CHSY3: variants seen among roughly 807,000 people sequenced by gnomAD.
CHSY3 encodes chondroitin sulfate synthase 3, also known as N-acetylgalactosaminyl-proteoglycan 3-beta-glucuronosyltransferase 3.
CHSY3 carries 35 observed loss-of-function variants against 67.2 expected under a neutral mutation model. The observed-to-expected ratio is 0.52, with a 90% CI of 0.40 to 0.69. The LOEUF is 0.69. Ranked by LOEUF, CHSY3 falls within the 30% of genes least tolerant of loss-of-function variation. The pLI, the probability that CHSY3 is intolerant of heterozygous loss-of-function variation, is 0.00. For synonymous variants in CHSY3, 474 were observed against 434.7 expected, an observed-to-expected ratio of 1.09 and a Z score of -1.12; for missense variants, 1,069 against 1,138.5, an observed-to-expected ratio of 0.94 and a Z score of 0.88.
At chr5:130,070,572 A>T (rs1766028970) in intron 2 of CHSY3, among the ~76,000 whole-genome samples, 1 of 152,128 alleles carries the variant, frequency 6.6e-6, no homozygotes, top group Non-Finnish European at 1.5e-5. Context: ...ATCATAATGC[A>T]GTATTGAAAT....
At chr5:129,980,147 T>C (rs1184294323) in intron 2 of CHSY3, among the ~76,000 whole-genome samples, 1 of 152,158 alleles carries the variant, frequency 6.6e-6, no homozygotes, top group African/African-American at 2.4e-5. Flanking sequence ...TAAAAGTATG[T>C]TTAGCTTTGT....
intron 2 of CHSY3, among the ~76,000 whole-genome samples, chr5:130,019,368 G>C (rs1764301129): frequency 6.6e-6 from 1 of 152,002 alleles, no homozygotes; most frequent in Admixed American, 6.6e-5. Flanking sequence ...CCATCACCCA[G>C]CCCAGAAACC....
Position 130,184,232 on chromosome 5 carries a change from C to G in CHSY3, c.1090C>G (p.Gln364Glu). The change falls in exon 3 of 3, where the codon CAA (glutamine) becomes GAA (glutamate). Residue 364 changes from glutamine to glutamate, a missense_variant. This residue lies in a region of CHSY3 where 216 missense variants were observed against 311.5 expected (regional missense o/e 0.69). Transcript: ENST00000305031. ...GTQCVWSYEM[Q>E]QLFHENYEHN... is the part of the protein sequence containing the mutation. The stretch of plus-strand genomic sequence containing the variant: ...TTTTTTTAATTTTACTTTTCAGATG[C>G]AACAACTGTTCCATGAAAATTATGA... 3 of 1,496,184 alleles carry G rather than the reference C, an allele frequency of 2.0e-6. No homozygotes were observed. The highest frequency in any genetic ancestry group is 2.7e-6 in the Non-Finnish European group (3 of 1,120,838). 92.7% of individuals were successfully genotyped at this position (1,496,184 alleles called of 1,614,324 possible).
intron 1 of CHSY3, among the ~76,000 whole-genome samples, chr5:129,907,346 G>A (rs1442778759): frequency 6.6e-6 from 1 of 152,156 alleles, no homozygotes; most frequent in African/African-American, 2.4e-5. Flanking sequence ...TGCAGATGCT[G>A]TGCTCATCAA....
intron 2 of CHSY3, among the ~76,000 whole-genome samples, chr5:130,060,511 G>T (rs986392492): frequency 6.6e-6 from 1 of 152,088 alleles, no homozygotes; most frequent in Non-Finnish European, 1.5e-5. Flanking sequence ...ACGAGACAAG[G>T]ATAGCTACTC....
At chr5:129,953,946 G>A (rs548080682) in intron 2 of CHSY3, among the ~76,000 whole-genome samples, 15 of 152,256 alleles carry the variant, frequency 9.9e-5, no homozygotes, top group African/African-American at 3.6e-4. Flanking sequence ...TCACTCTGAT[G>A]ATACTTTCTT....
intron 2 of CHSY3, among the ~76,000 whole-genome samples, chr5:129,940,148 A>G (rs916913738): frequency 6.6e-6 from 1 of 152,112 alleles, no homozygotes; most frequent in Non-Finnish European, 1.5e-5. Context: ...CATTGCCTAC[A>G]TACACCATGC....
At chr5:129,975,268 G>C (rs1402163671) in intron 2 of CHSY3, among the ~76,000 whole-genome samples, 1 of 152,048 alleles carries the variant, frequency 6.6e-6, no homozygotes, top group African/African-American at 2.4e-5. Context: ...TATTAGTTTT[G>C]TTACCTCGGA....
At chr5:130,171,745 T>A (rs1769898475) in intron 2 of CHSY3, among the ~76,000 whole-genome samples, 1 of 152,178 alleles carries the variant, frequency 6.6e-6, no homozygotes, top group African/African-American at 2.4e-5. Context: ...AGATTACCCA[T>A]ATCAGATTGT....
intron 2 of CHSY3, among the ~76,000 whole-genome samples, chr5:130,079,364 G>C (rs1766374623): frequency 6.6e-6 from 1 of 152,026 alleles, no homozygotes; most frequent in South Asian, 2.1e-4. Context: ...TTTTATTAAA[G>C]ACTTGAAGCC....
intron 2 of CHSY3, among the ~76,000 whole-genome samples, chr5:129,962,521 T>C (rs1235557229): frequency 6.6e-6 from 1 of 152,022 alleles, no homozygotes; most frequent in African/African-American, 2.4e-5. Context: ...ATATGACCTG[T>C]CACTGCCCTG....
intron 1 of CHSY3, 45 bp downstream of exon 1, chr5:129,905,676 T>C: frequency 6.3e-7 from 1 of 1,598,792 alleles, no homozygotes; most frequent in East Asian, 2.2e-5. Context: ...TCTCCCCGAC[T>C]CCTTTCTCTG....
At chr5:130,036,153 T>C (rs749645366) in intron 2 of CHSY3, among the ~76,000 whole-genome samples, 4 of 152,062 alleles carry the variant, frequency 2.6e-5, no homozygotes, top group Non-Finnish European at 5.9e-5. Flanking sequence ...CTTGATCATT[T>C]TCTTACACTG....
intron 2 of CHSY3, among the ~76,000 whole-genome samples, chr5:130,148,244 G>A (rs903748700): frequency 1.3e-5 from 2 of 152,082 alleles, no homozygotes; most frequent in South Asian, 4.2e-4. Context: ...TCTTTTTATG[G>A]CTGCATAGTA....
intron 2 of CHSY3, among the ~76,000 whole-genome samples, chr5:129,910,424 G>A (rs1760495622): frequency 6.6e-6 from 1 of 151,796 alleles, no homozygotes. Context: ...TTATTATATA[G>A]AATTTACTTT....
At position 130,153,950 on chromosome 5, in the gene CHSY3, C is replaced by A. The variant is rs1383509735; in HGVS notation, c.1087-30279C>A. Among the ~76,000 whole-genome samples, 3 of 152,210 alleles carry A rather than the reference C, an allele frequency of 2.0e-5. No individual in the cohort carries two copies. The East Asian group carries it at 5.8e-4, about 29-fold the overall frequency. On this transcript the variant is annotated intron_variant, in intron 2 of 2. Coordinates refer to ENST00000305031, the MANE Select transcript of CHSY3 (RefSeq NM_175856.5). ...TTTGTTTGTTTGAGACAGAGTCTCACACTGTTGCCCAGGCTGGATGCAATG... is the reference window on the plus strand; with the variant it reads ...TTTGTTTGTTTGAGACAGAGTCTCAAACTGTTGCCCAGGCTGGATGCAATG...
chr5:130,134,727 A>T (rs1337205872), intron 2 of CHSY3, among the ~76,000 whole-genome samples: 1 of 152,150 alleles, frequency 6.6e-6, no homozygotes, highest in African/African-American at 2.4e-5. Context: ...TTCTACACAC[A>T]AAGTGTTTAG....
chr5:130,173,967 T>C (rs982173181), intron 2 of CHSY3, among the ~76,000 whole-genome samples: 7 of 152,090 alleles, frequency 4.6e-5, no homozygotes, highest in African/African-American at 1.7e-4. Flanking sequence ...ACTTAGAATT[T>C]TTATATTCAC....
chr5:130,109,109 T>G (rs1356013199), intron 2 of CHSY3, among the ~76,000 whole-genome samples: 1 of 151,634 alleles, frequency 6.6e-6, no homozygotes, highest in African/African-American at 2.4e-5. Context: ...GAAATAAAAG[T>G]TCTAATGGAA....
Sources: allele counts gnomAD v4.1 joint callset (sites outside exome capture counted in the v4.1 genomes callset), GRCh38; gene constraint gnomAD v4.1.1; regional missense constraint gnomAD v4.1.1; transcripts MANE v1.5; gene names NCBI Gene and HGNC (gene_info 2026-07-23, HGNC 2026-07-21).